ZFR: variants seen among roughly 807,000 people sequenced by gnomAD.
ZFR encodes the protein zinc finger RNA binding protein, also known as zinc finger RNA-binding protein.
ZFR carries 19 observed loss-of-function variants against 130.7 expected under a neutral mutation model. That is an observed-to-expected ratio of 0.15 (90% CI 0.10 to 0.21). The LOEUF (loss-of-function observed/expected upper bound fraction) is 0.21, where lower values mean the gene tolerates loss of function less well. Among genes scored for constraint, ZFR ranks in the 10% least tolerant of loss-of-function variants. The probability of loss-of-function intolerance (pLI) is 1.00; values close to 1 mark genes in which losing one functional copy is unlikely to be tolerated. For missense variants in ZFR, 872 were observed against 1,321.5 expected, an observed-to-expected ratio of 0.66 and a Z score of 5.27; for synonymous variants, 466 against 456.9, an observed-to-expected ratio of 1.02 and a Z score of -0.25.
chr5:32,428,232 G>A (rs1754120393), intron 2 of ZFR, among the ~76,000 whole-genome samples: 1 of 152,122 alleles, frequency 6.6e-6, no homozygotes, highest in Admixed American at 6.6e-5. Context: ...TGGCCAACAT[G>A]GTGAAACCCT....
intron 2 of ZFR, among the ~76,000 whole-genome samples, chr5:32,439,987 TA>T (rs879370365): frequency 2.0e-5 from 3 of 151,830 alleles, no homozygotes; most frequent in Non-Finnish European, 2.9e-5. Flanking sequence ...ATGAAGAAGT[TA>T]AAAAAAATGA....
chr5:32,385,728 C>T, intron 14 of ZFR, 79 bp from the exon 15 acceptor site: 1 of 1,518,858 alleles, frequency 6.6e-7, no homozygotes. Flanking sequence ...GGCTCTTTCA[C>T]TCTCTTACTA....
chr5:32,444,168 G>A, intron 2 of ZFR, 61 bp downstream of exon 2: 2 of 1,545,416 alleles, frequency 1.3e-6, no homozygotes, highest in East Asian at 2.5e-5. Context: ...GCGTCGCATC[G>A]ACAGGATCCG....
intron 15 of ZFR, among the ~76,000 whole-genome samples, chr5:32,381,615 A>G (rs1752939055): frequency 6.6e-6 from 1 of 152,186 alleles, no homozygotes; most frequent in South Asian, 2.1e-4. Context: ...CATATCTCAT[A>G]AGCATTCAGA....
rs1201398078 is a variant in ZFR at position 32,426,674 on chromosome 5, G to A, written c.138-6571C>T. ...CACAGCACTTTGGGAGGCCAAGGCA[G>A]GTGGATCACTTCAGCCCAGGAGTTC... On this transcript the variant is annotated intron_variant, in intron 2 of 19. Coordinates refer to ENST00000265069, the MANE Select transcript of ZFR (RefSeq NM_016107.5). Among the ~76,000 whole-genome samples the A allele has an allele frequency of 4.6e-5, 7 of 152,302 alleles. No homozygotes were observed. The East Asian group carries it at 1.2e-3, about 25-fold the overall frequency.
At position 32,427,374 on chromosome 5, in the gene ZFR, C is replaced by G. The variant is rs1202444331; in HGVS notation, c.138-7271G>C. ...TGGGCAACACAGCAAGACTCTGTCTCAAAAAAAAAAAAAAAAAAAAAAGGA... is the reference window on the plus strand; with the variant it reads ...TGGGCAACACAGCAAGACTCTGTCTGAAAAAAAAAAAAAAAAAAAAAAGGA... On this transcript the variant is annotated intron_variant, in intron 2 of 19. Transcript: ENST00000265069. Among the ~76,000 whole-genome samples the G allele has an allele frequency of 4.5e-5, 3 of 66,494 alleles. No individual in the cohort carries two copies. In the East Asian group the frequency reaches 1.4e-3, roughly 30 times the overall value. The allele number at this position is 66,494 out of a possible 152,430, so 43.6% of individuals were successfully genotyped here.
intron 3 of ZFR, among the ~76,000 whole-genome samples, 189 bp downstream of exon 3, chr5:32,419,632 C>T (rs992101148): frequency 6.6e-6 from 1 of 152,202 alleles, no homozygotes; most frequent in Non-Finnish European, 1.5e-5. Context: ...GCCACCGCGC[C>T]CAGCCGGCAA....
At chr5:32,389,118 T>A (rs1753104247) in intron 12 of ZFR, among the ~76,000 whole-genome samples, 1 of 152,242 alleles carries the variant, frequency 6.6e-6, no homozygotes, top group Admixed American at 6.5e-5. Flanking sequence ...TTTGGTAGAC[T>A]GAACTTACAC....
chr5:32,365,089 C>A (rs1251615801), intron 17 of ZFR, among the ~76,000 whole-genome samples: 1 of 152,200 alleles, frequency 6.6e-6, no homozygotes, highest in Non-Finnish European at 1.5e-5. Flanking sequence ...CAAATGGAAT[C>A]ATGTAATACG....
At chr5:32,370,310 G>GGGGA (rs1752635614) in intron 17 of ZFR, among the ~76,000 whole-genome samples, 3 of 69,788 alleles carry the variant, frequency 4.3e-5, no homozygotes, top group East Asian at 4.3e-4. Flanking sequence ...TGTTGTGGGG[G>GGGGA]GAGAGAGAGA....
At chr5:32,425,717 G>A (rs1812212) in intron 2 of ZFR, among the ~76,000 whole-genome samples, 61,335 of 151,974 alleles carry the variant, frequency 0.4, 12,629 homozygotes, top group East Asian at 0.56. Context: ...GTAGAGACAC[G>A]GTTTCACCAT....
chr5:32,382,429 G>A (rs1382123670), intron 15 of ZFR, among the ~76,000 whole-genome samples: 2 of 152,142 alleles, frequency 1.3e-5, no homozygotes, highest in Non-Finnish European at 2.9e-5. Flanking sequence ...ACTTACATTT[G>A]CTAAAGCTAG....
At chr5:32,402,583 G>A (rs1753477653) in intron 8 of ZFR, among the ~76,000 whole-genome samples, 1 of 150,224 alleles carries the variant, frequency 6.7e-6, no homozygotes, top group Non-Finnish European at 1.5e-5. Flanking sequence ...TCTGGGCAAT[G>A]TGGTGAAACC....
At chr5:32,362,467 T>C (rs1752457927) in intron 19 of ZFR, among the ~76,000 whole-genome samples, 2 of 152,102 alleles carry the variant, frequency 1.3e-5, no homozygotes, top group African/African-American at 4.8e-5. Flanking sequence ...CTAACCGAAA[T>C]TGACACTGGT....
chr5:32,404,201 A>G, intron 6 of ZFR, 104 bp from the exon 7 acceptor site: 1 of 1,029,100 alleles, frequency 9.7e-7, no homozygotes, highest in Non-Finnish European at 1.4e-6. Context: ...AAATGAGACC[A>G]AAACAAACTT....
At chr5:32,359,888 G>A (rs865948464) in intron 19 of ZFR, among the ~76,000 whole-genome samples, 1 of 151,578 alleles carries the variant, frequency 6.6e-6, no homozygotes. Context: ...AGGCGGAGGT[G>A]AGCTGAGATT....
intron 2 of ZFR, among the ~76,000 whole-genome samples, chr5:32,428,871 C>T (rs1443275849): frequency 4.6e-5 from 7 of 152,102 alleles, no homozygotes; most frequent in Admixed American, 3.3e-4. Context: ...TATCACTTTC[C>T]GTGTTAGCAG....
At chr5:32,379,833 T>C (rs940978803) in intron 16 of ZFR, 24 of 353,910 alleles carry the variant, frequency 6.8e-5, no homozygotes, top group South Asian at 2.1e-4. Flanking sequence ...CCACTAAAAA[T>C]AAAAAATAAA....
rs766757584 is a variant in ZFR, at chr5:32,355,942, G to A, written c.3046-3C>T. 1 of 1,573,374 alleles carries A rather than the reference G, an allele frequency of 6.4e-7. No homozygotes were observed. Among genetic ancestry groups the A allele is most frequent in the Non-Finnish European group, 8.6e-7 (1 of 1,164,678 alleles). On this transcript the variant is annotated splice_polypyrimidine_tract_variant and splice_region_variant and intron_variant, in intron 19 of 19. Transcript: ENST00000265069. The stretch of plus-strand genomic sequence containing the variant: ...AATGCAAGGAGTCTCAATGCAAACT[G>A]CAACAAAGAGAGTCAGAATTTTGAG...
Sources: gnomAD v4.1 joint callset for allele counts (sites outside exome capture counted in the v4.1 genomes callset) on GRCh38, gnomAD v4.1.1 for gene constraint, MANE v1.5 for transcripts, NCBI Gene and HGNC (gene_info 2026-07-23, HGNC 2026-07-21) for gene names.